The following DENND1C variants were observed in gnomAD, a reference collection of about 807,000 sequenced individuals.
DENND1C encodes the protein DENN domain-containing protein 1C.
DENND1C carries 64 observed loss-of-function variants against 87.9 expected under a neutral mutation model. That is an observed-to-expected ratio of 0.73 (90% CI 0.60 to 0.90). The LOEUF is 0.90. DENND1C is among the 40% of genes least tolerant of loss of function. The pLI is 0.00. For synonymous variants in DENND1C, 384 were observed against 424.4 expected, an observed-to-expected ratio of 0.90 and a Z score of 1.17; for missense variants, 980 against 1,037.0, an observed-to-expected ratio of 0.95 and a Z score of 0.76.
At chr19:6,470,621 T>TTTTTG (rs1555747442) in intron 17 of DENND1C, among the ~76,000 whole-genome samples, 19 of 43,772 alleles carry the variant, frequency 4.3e-4, no homozygotes, top group African/African-American at 1.7e-3. Flanking sequence ...TTTTTTTTTG[T>TTTTTG]TTTTTTTTTT....
intron 14 of DENND1C, among the ~76,000 whole-genome samples, chr19:6,473,522 G>C (rs1010325369): frequency 3.4e-5 from 5 of 147,072 alleles, no homozygotes; most frequent in Non-Finnish European, 7.4e-5. Flanking sequence ...CCGTGCTGGA[G>C]TGCAGTGGTG....
rs763284093 is a variant in DENND1C, at chr19:6,477,116, G to A, written c.525C>T (p.Phe175=). The change falls in exon 9 of 23, where the codon TTC becomes TTT. Residue 175 remains phenylalanine, a synonymous_variant. Transcript: ENST00000381480. ...GCAGGCGGCCGGAGTCCGGGGCCAC[G>A]AAGCAGGAAAGCTGGTGGGGGTATT... ...TRGNSKPLSC[F]VAPDSGRLPS... 1.2e-6 allele frequency: 2 copies of A among 1,605,614 alleles called. No homozygotes were observed. Among genetic ancestry groups the A allele is most frequent in the East Asian group, 2.2e-5 (1 of 44,734 alleles).
At position 6,467,905 on chromosome 19, in the gene DENND1C, C is replaced by T. The variant is rs371338380; in HGVS notation, c.2005G>A (p.Asp669Asn). The T allele has an allele frequency of 1.9e-6, 3 of 1,612,418 alleles. No homozygotes were observed. Among genetic ancestry groups the T allele is most frequent in the Non-Finnish European group, 2.5e-6 (3 of 1,179,324 alleles). The stretch of plus-strand genomic sequence containing the variant: ...TCTGTGAGAGGAGAGGGTTTGGGGT[C>T]CCCCCAGATGCTTGGGTCTGCAGAA... The part of the protein sequence containing the change: ...TASADPSIWG[D>N]PKPSPLTEPL... Residue 669 changes from aspartate (D) to asparagine (N), a missense_variant, in exon 23 of 23, where the codon GAC becomes AAC. Transcript: ENST00000381480.
At position 6,473,455 on chromosome 19, in the gene DENND1C, G is replaced by GTT. The variant is rs1568396646; in HGVS notation, c.1054-463_1054-462insAA. Among the ~76,000 whole-genome samples, 448 of 135,546 alleles carry GTT rather than the reference G, an allele frequency of 3.3e-3. 13 individuals carry two copies. Among genetic ancestry groups the GTT allele is most frequent in the South Asian group, 0.01 (43 of 4,176 alleles). 88.9% of individuals were successfully genotyped at this position (135,546 alleles called of 152,430 possible). On this transcript the variant is annotated intron_variant, in intron 14 of 22. Coordinates refer to ENST00000381480, the MANE Select transcript of DENND1C (RefSeq NM_024898.4). Reference sequence around the variant, plus strand: ...GGTGTGAGCCACCGCGCCCAGCCCTGGTTTTTTTTTTTTTTTTTTTCATTT... The same window carrying GTT: ...GGTGTGAGCCACCGCGCCCAGCCCTGTTGTTTTTTTTTTTTTTTTTTTCATTT...
intron 17 of DENND1C, among the ~76,000 whole-genome samples, 155 bp downstream of exon 17, chr19:6,471,110 G>A (rs1413639903): frequency 8.6e-5 from 13 of 151,030 alleles, no homozygotes; most frequent in Admixed American, 7.3e-4. Context: ...TACACCTAGC[G>A]AATTTTTTTT....
At position 6,470,614 on chromosome 19, in the gene DENND1C, T is replaced by G. The variant is rs543714459; in HGVS notation, c.1291-248A>C. 3.9e-3 allele frequency among the ~76,000 whole-genome samples: 498 copies of G among 126,310 alleles called. 3 individuals are homozygous for G. The highest frequency in any genetic ancestry group is 0.014 in the African/African-American group (470 of 33,670). 82.9% of individuals were successfully genotyped at this position (126,310 alleles called of 152,430 possible). ...GAGATGGAGTCTCAAAGAACAGTTT[T>G]TTTTTGTTTTTTTTTTTTTTTTGCT... is the stretch of plus-strand genomic sequence containing the variant. On this transcript the variant is annotated intron_variant, in intron 17 of 22. Transcript: ENST00000381480.
chr19:6,474,014 G>T (rs973498929), intron 14 of DENND1C, among the ~76,000 whole-genome samples: 1 of 152,070 alleles, frequency 6.6e-6, no homozygotes, highest in Admixed American at 6.6e-5. Flanking sequence ...GGCTAACATG[G>T]TGAAACCCCA....
chr19:6,477,197 G>A, intron 8 of DENND1C, 21 bp downstream of exon 8: 1 of 1,589,102 alleles, frequency 6.3e-7, no homozygotes. Context: ...CGACCTTCCA[G>A]GGTCCCCGAG....
At position 6,468,367 on chromosome 19, in the gene DENND1C, G is replaced by T; in HGVS notation, c.1658C>A (p.Ser553Tyr). The part of the protein sequence containing the change: ...EEALDSSFLG[S>Y]GEELDLLSEI... ...GCTCAACAAATCCAGTTCTTCTCCA[G>T]ACCCCAAGAAGCTGCTGTCCAGAGC... The change falls in exon 22 of 23, where the codon TCT becomes TAT. Residue 553 changes from serine (S) to tyrosine (Y), a missense_variant. Ser to Tyr is a moderately radical substitution (Grantham distance 144). Transcript: ENST00000381480. 1 of 1,613,916 alleles carries T rather than the reference G, an allele frequency of 6.2e-7. No individual in the cohort carries two copies. The highest frequency in any genetic ancestry group is 8.5e-7 in the Non-Finnish European group (1 of 1,179,864).
At chr19:6,475,065 C>CAAACAAACAAACA (rs753588743) in intron 14 of DENND1C, among the ~76,000 whole-genome samples, 2 of 148,992 alleles carry the variant, frequency 1.3e-5, no homozygotes, top group Non-Finnish European at 3.0e-5. Flanking sequence ...AACAAACAAA[C>CAAACAAACAAACA]AACAACAACA....
In DENND1C at chr19:6,467,579, G is replaced by A. The variant is rs769394502; in HGVS notation, c.2331C>T (p.Pro777=). 1.2e-6 allele frequency: 2 copies of A among 1,601,392 alleles called. No individual in the cohort carries two copies. Among genetic ancestry groups the A allele is most frequent in the Non-Finnish European group, 1.7e-6 (2 of 1,175,664 alleles). The part of the protein sequence containing the change: ...EPGALNSPAT[P]TSNCQKSQPS... ...GCTGGGACTTTTGACAGTTGCTGGT[G>A]GGTGTAGCAGGGGAATTCAGGGCTC... The change falls in exon 23 of 23, where the codon CCC becomes CCT. Residue 777 remains proline (P), a synonymous_variant. Transcript: ENST00000381480.
chr19:6,470,418 C>T (rs1235629096), intron 17 of DENND1C, 52 bp from the exon 18 acceptor site: 3 of 1,564,646 alleles, frequency 1.9e-6, no homozygotes, highest in Admixed American at 1.8e-5. Flanking sequence ...ATCCCACCTC[C>T]CCATCCCAGG....
chr19:6,472,957 C>T lies in DENND1C; in HGVS notation c.1090G>A (p.Ala364Thr). 1 of 1,587,072 alleles carries T rather than the reference C, an allele frequency of 6.3e-7. No individual in the cohort carries two copies. ...PVTFSEEVFL[A>T]QKPGAPLQAF... The stretch of plus-strand genomic sequence containing the variant: ...TGCAGAGGTGCCCCAGGCTTCTGGG[C>T]CAAGAAGACTTCCTCACTGAAGGTC... Residue 364 changes from alanine to threonine, a missense_variant, in exon 15 of 23, where the codon GCC becomes ACC. Transcript: ENST00000381480.
At chr19:6,476,688 G>A (rs1228215261) in intron 10 of DENND1C, 169 bp downstream of exon 10, 2 of 665,038 alleles carry the variant, frequency 3.0e-6, no homozygotes, top group Non-Finnish European at 5.0e-6. Context: ...CCCCTCCCAC[G>A]AGGGCGGGGC....
intron 18 of DENND1C, 179 bp from the exon 19 acceptor site, chr19:6,469,819 T>G (rs1231519204): frequency 3.2e-6 from 2 of 622,912 alleles, no homozygotes; most frequent in Non-Finnish European, 5.6e-6. Flanking sequence ...TTGACTAATA[T>G]AAAATGAGTA....
intron 4 of DENND1C, among the ~76,000 whole-genome samples, chr19:6,479,284 T>C (rs1400777615): frequency 5.4e-4 from 77 of 142,572 alleles, no homozygotes; most frequent in African/African-American, 2.2e-3. Context: ...TTTCTGGATC[T>C]CTGGGTCCTT....
chr19:6,475,211 TC>T, intron 14 of DENND1C, 62 bp downstream of exon 14: 1 of 1,604,870 alleles, frequency 6.2e-7, no homozygotes, highest in Non-Finnish European at 8.5e-7. Flanking sequence ...ACTGTACCTA[TC>T]GTTACATTGC....
At chr19:6,476,723 C>T (rs1474616151) in intron 10 of DENND1C, 134 bp downstream of exon 10, 2 of 905,206 alleles carry the variant, frequency 2.2e-6, no homozygotes, top group South Asian at 1.8e-5. Flanking sequence ...CCAAGACCTT[C>T]GAAGGGGCGG....
At chr19:6,479,605 G>A in intron 4 of DENND1C, 64 bp downstream of exon 4, 2 of 1,604,490 alleles carry the variant, frequency 1.2e-6, no homozygotes, top group Non-Finnish European at 1.7e-6. Flanking sequence ...TCTAGGTGTT[G>A]AGTCCTTGGG....
Sources: allele counts gnomAD v4.1 joint callset (sites outside exome capture counted in the v4.1 genomes callset), GRCh38; gene constraint gnomAD v4.1.1; transcripts MANE v1.5; gene names NCBI Gene and HGNC (gene_info 2026-07-23, HGNC 2026-07-21).